Variants in MTHFD1L observed in about 807,000 individuals in gnomAD.
MTHFD1L encodes methylenetetrahydrofolate dehydrogenase (NADP+ dependent) 1 like.
A neutral mutation model predicts 119.5 loss-of-function variants in MTHFD1L; 81 were observed. That is an observed-to-expected ratio of 0.68 (90% CI 0.57 to 0.82). The LOEUF (loss-of-function observed/expected upper bound fraction) is 0.82. Among genes scored for constraint, MTHFD1L ranks in the 40% least tolerant of loss-of-function variants. MTHFD1L has a pLI of 0.00. For missense variants in MTHFD1L, 1,125 were observed against 1,253.4 expected (o/e 0.90, Z 1.55); for synonymous variants, 430 against 475.2 (o/e 0.90, Z 1.24).
intron 11 of MTHFD1L, among the ~76,000 whole-genome samples, chr6:150,927,116 C>T (rs750928556): frequency 2.6e-5 from 4 of 151,970 alleles, no homozygotes; most frequent in Non-Finnish European, 4.4e-5. Context: ...TTTGTTTTTA[C>T]GTATTTAATT....
rs507108 is a variant in MTHFD1L at position 151,006,556 on chromosome 6, G to T, written c.2126-3263G>T. ...TGGTGACTACACGGGCGCATTGAAG[G>T]GGGGAGGAGCTAGGTTTTTGAAGGG... On this transcript the variant is annotated intron_variant, in intron 20 of 27. Transcript: ENST00000367321. Among the ~76,000 whole-genome samples the T allele has an allele frequency of 2.9e-3, 446 of 152,170 alleles. 11 individuals carry two copies. The highest frequency in any genetic ancestry group is 0.01 in the African/African-American group (416 of 41,490).
At chr6:150,908,018 C>G (rs1786223810) in intron 8 of MTHFD1L, among the ~76,000 whole-genome samples, 1 of 151,376 alleles carries the variant, frequency 6.6e-6, no homozygotes, top group Non-Finnish European at 1.5e-5. Context: ...CTACCTCAGC[C>G]TCCCAAGTAG....
chr6:150,888,287 G>A (rs1386576455), intron 7 of MTHFD1L, among the ~76,000 whole-genome samples: 1 of 152,122 alleles, frequency 6.6e-6, no homozygotes, highest in African/African-American at 2.4e-5. Context: ...ACCAAAGAAG[G>A]GTAACATGCT....
intron 24 of MTHFD1L, among the ~76,000 whole-genome samples, chr6:151,024,068 G>A (rs1784315260): frequency 6.6e-6 from 1 of 151,242 alleles, no homozygotes; most frequent in African/African-American, 2.4e-5. Flanking sequence ...AACAGCACAG[G>A]CTTCCAGTCT....
chr6:150,988,397 A>G (rs775280008), intron 20 of MTHFD1L, among the ~76,000 whole-genome samples: 4 of 152,034 alleles, frequency 2.6e-5, no homozygotes, highest in Non-Finnish European at 5.9e-5. Flanking sequence ...TTGCAATTAT[A>G]TGAGGTCGTT....
intron 26 of MTHFD1L, among the ~76,000 whole-genome samples, chr6:151,084,951 A>AGT (rs1010993793): frequency 5.7e-5 from 8 of 140,634 alleles, no homozygotes; most frequent in African/African-American, 2.1e-4. Flanking sequence ...TGGGTGACAG[A>AGT]GTGAGACTCC....
intron 20 of MTHFD1L, among the ~76,000 whole-genome samples, chr6:150,987,457 A>T (rs981675301): frequency 6.6e-6 from 1 of 152,234 alleles, no homozygotes; most frequent in African/African-American, 2.4e-5. Flanking sequence ...GGACCTGGCT[A>T]CGTGCTGAGC....
chr6:150,965,924 A>G (rs1277620355), intron 19 of MTHFD1L, among the ~76,000 whole-genome samples: 1 of 152,204 alleles, frequency 6.6e-6, no homozygotes, highest in East Asian at 1.9e-4. Flanking sequence ...ATCAGAGGTC[A>G]TGAGGGGCAG....
chr6:151,022,090 C>A (rs1784020206), intron 24 of MTHFD1L: 1 of 470,850 alleles, frequency 2.1e-6, no homozygotes, highest in Non-Finnish European at 4.4e-6. Context: ...ACGAAGACAG[C>A]CTGGAGCCGC....
At chr6:150,935,643 G>T (rs952780924) in intron 11 of MTHFD1L, 1 of 1,125,744 alleles carries the variant, frequency 8.9e-7, no homozygotes, top group Non-Finnish European at 1.3e-6. Context: ...TGTCTACAGC[G>T]TGGTTTGCCT....
chr6:151,037,248 C>A, intron 26 of MTHFD1L, 131 bp downstream of exon 26: 1 of 987,596 alleles, frequency 1.0e-6, no homozygotes, highest in Non-Finnish European at 1.5e-6. Flanking sequence ...GTACAGTATT[C>A]GCTATTTTTC....
intron 15 of MTHFD1L, among the ~76,000 whole-genome samples, chr6:150,947,756 C>T (rs1015357693): frequency 6.6e-6 from 1 of 152,122 alleles, no homozygotes; most frequent in African/African-American, 2.4e-5. Context: ...CTCTTCTGAG[C>T]AGCGTACATG....
At chr6:150,967,297 C>G (rs1797353056) in intron 19 of MTHFD1L, among the ~76,000 whole-genome samples, 1 of 152,190 alleles carries the variant, frequency 6.6e-6, no homozygotes, top group African/African-American at 2.4e-5. Flanking sequence ...ACACAGCTGC[C>G]CTTGTCTTCC....
intron 4 of MTHFD1L, among the ~76,000 whole-genome samples, chr6:150,879,863 A>G (rs938204363): frequency 1.3e-5 from 2 of 152,100 alleles, no homozygotes; most frequent in African/African-American, 4.8e-5. Context: ...TCCTGACCTC[A>G]GGTGATCTGC....
At chr6:150,867,341 G>A (rs1385095999) in intron 1 of MTHFD1L, among the ~76,000 whole-genome samples, 1 of 152,118 alleles carries the variant, frequency 6.6e-6, no homozygotes, top group Non-Finnish European at 1.5e-5. Context: ...ACAGGTGTGC[G>A]CTACCATGCC....
intron 7 of MTHFD1L, among the ~76,000 whole-genome samples, chr6:150,900,099 G>T (rs141915899): frequency 2.2e-4 from 34 of 151,630 alleles, no homozygotes; most frequent in Admixed American, 2.6e-4. Context: ...ATCTCCATTT[G>T]CAGGCAACAC....
At chr6:151,024,759 G>A (rs1484632835) in intron 24 of MTHFD1L, among the ~76,000 whole-genome samples, 1 of 152,214 alleles carries the variant, frequency 6.6e-6, no homozygotes, top group Non-Finnish European at 1.5e-5. Flanking sequence ...AACCTGGGAA[G>A]TGGAGGTTGC....
At chr6:151,073,818 A>T (rs184682408) in intron 26 of MTHFD1L, among the ~76,000 whole-genome samples, 395 of 152,332 alleles carry the variant, frequency 2.6e-3, no homozygotes, top group Non-Finnish European at 4.1e-3. Flanking sequence ...AGAGAGCAAC[A>T]TTGAGCTTTG....
chr6:151,095,368 T>C (rs1584462740), intron 27 of MTHFD1L, among the ~76,000 whole-genome samples: 1 of 152,370 alleles, frequency 6.6e-6, no homozygotes, highest in East Asian at 1.9e-4. Context: ...GAACCCATTA[T>C]GTTACATTTC....
Sources: gnomAD v4.1 joint callset for allele counts (sites outside exome capture counted in the v4.1 genomes callset) on GRCh38, gnomAD v4.1.1 for gene constraint, MANE v1.5 for transcripts, NCBI Gene and HGNC (gene_info 2026-07-23, HGNC 2026-07-21) for gene names.